Variants in ATXN7 observed in about 807,000 individuals in gnomAD.
ATXN7 encodes ataxin-7.
ATXN7 carries 12 observed loss-of-function variants against 70.5 expected under a neutral mutation model. That is an observed-to-expected ratio of 0.17 (90% CI 0.11 to 0.28). ATXN7 has a LOEUF of 0.28. Ranked by LOEUF, ATXN7 falls within the 10% of genes least tolerant of loss-of-function variation. ATXN7 has a pLI of 1.00. For missense variants in ATXN7, 1,256 were observed against 1,131.7 expected (o/e 1.11, Z -1.58); for synonymous variants, 498 against 448.7 (o/e 1.11, Z -1.39).
At chr3:63,918,302 A>C (rs1415890942) in intron 4 of ATXN7, among the ~76,000 whole-genome samples, 1 of 152,242 alleles carries the variant, frequency 6.6e-6, no homozygotes, top group East Asian at 1.9e-4. Context: ...GTTCATGGTT[A>C]ATTAATGGAA....
intron 8 of ATXN7, among the ~76,000 whole-genome samples, chr3:63,985,388 T>C (rs1003688888): frequency 6.6e-6 from 1 of 152,202 alleles, no homozygotes; most frequent in Non-Finnish European, 1.5e-5. Context: ...CAGCTTGTCA[T>C]GAGATCAGCA....
At position 63,988,320 on chromosome 3, in the gene ATXN7, C is replaced by T; in HGVS notation, c.1357C>T (p.Pro453Ser). Reference protein sequence around the residue: ...SKPKPHTPSLPRPPGCPAQQG... With the variant: ...SKPKPHTPSLSRPPGCPAQQG... The stretch of plus-strand genomic sequence containing the variant: ...ACCTAAACCTCACACCCCCAGTCTT[C>T]CAAGGTAAGCCAGGCCCTCCAACTC... The change falls in exon 9 of 13, where the codon CCA (proline) becomes TCA (serine). Residue 453 changes from proline to serine, a missense_variant. By Grantham distance (74) the Pro-to-Ser change is moderately conservative. Transcript: ENST00000674280. 1 of 1,614,062 alleles carries T rather than the reference C, an allele frequency of 6.2e-7. No individual in the cohort carries two copies. The highest frequency in any genetic ancestry group is 8.5e-7 in the Non-Finnish European group (1 of 1,180,004).
At chr3:63,992,178 T>C (rs1261980991) in intron 11 of ATXN7, among the ~76,000 whole-genome samples, 4 of 152,214 alleles carry the variant, frequency 2.6e-5, no homozygotes. Flanking sequence ...TCGGAGGCCT[T>C]GGATTGTCTG....
chr3:63,872,677 C>T (rs1414407200), intron 1 of ATXN7, among the ~76,000 whole-genome samples: 2 of 152,198 alleles, frequency 1.3e-5, no homozygotes, highest in Non-Finnish European at 2.9e-5. Context: ...TCATATTGCA[C>T]AGGATAGCCT....
At chr3:63,914,024 G>T (rs1442566611) in intron 4 of ATXN7, among the ~76,000 whole-genome samples, 2 of 152,214 alleles carry the variant, frequency 1.3e-5, no homozygotes, top group East Asian at 3.8e-4. Flanking sequence ...CTGAAGTCCA[G>T]TGAACTTCGG....
Position 63,995,608 on chromosome 3 carries a change from G to A in ATXN7, c.1786G>A (p.Ala596Thr). Residue 596 changes from alanine to threonine, a missense_variant, in exon 12 of 13, where the codon GCA becomes ACA. Physicochemically the swap from Ala to Thr is moderately conservative, Grantham distance 58. Transcript: ENST00000674280. ...TSQCGVSYLA[A>T]ATVSTSPVLL... ...ACAATGTGGAGTCAGCTATCTGGCA[G>A]CAGCCACCGTCTCTACATCCCCAGT... 1 of 1,614,196 alleles carries A rather than the reference G, an allele frequency of 6.2e-7. No individual in the cohort carries two copies. The highest frequency in any genetic ancestry group is 8.5e-7 in the Non-Finnish European group (1 of 1,180,038).
chr3:63,912,869 C>G lies in ATXN7; in HGVS notation c.271C>G (p.Leu91Val). Residue 91 changes from leucine to valine, a missense_variant, in exon 3 of 13, where the codon CTG becomes GTG. Coordinates refer to ENST00000674280, the MANE Select transcript of ATXN7 (RefSeq NM_001377405.1). Reference protein sequence around the residue: ...RRPLPSPEVMLGQSWNLWVEA... With the variant: ...RRPLPSPEVMVGQSWNLWVEA... ...GCCTCTGCCCAGTCCTGAAGTGATGCTGGGACAGTCGTGGAATCTGTGGGT... is the reference window on the plus strand; with the variant it reads ...GCCTCTGCCCAGTCCTGAAGTGATGGTGGGACAGTCGTGGAATCTGTGGGT... 1.9e-6 allele frequency: 3 copies of G among 1,613,426 alleles called. No individual in the cohort carries two copies. The South Asian group carries it at 3.3e-5, about 18-fold the overall frequency.
At chr3:63,880,818 T>A (rs1702885179) in intron 1 of ATXN7, among the ~76,000 whole-genome samples, 1 of 152,230 alleles carries the variant, frequency 6.6e-6, no homozygotes, top group Non-Finnish European at 1.5e-5. Flanking sequence ...TTCAATTTAT[T>A]TGTGTAAAGG....
intron 4 of ATXN7, among the ~76,000 whole-genome samples, chr3:63,914,575 C>T (rs1306107174): frequency 6.6e-6 from 1 of 152,216 alleles, no homozygotes; most frequent in Non-Finnish European, 1.5e-5. Context: ...TGGCAACTCT[C>T]ACAGTAAGCA....
intron 4 of ATXN7, among the ~76,000 whole-genome samples, chr3:63,926,724 C>CA (rs1360331159): frequency 6.6e-6 from 1 of 152,132 alleles, no homozygotes; most frequent in Non-Finnish European, 1.5e-5. Context: ...TGCTGCCCCA[C>CA]ACCTCTTCCC....
At chr3:63,894,021 G>C (rs1703368205) in intron 1 of ATXN7, among the ~76,000 whole-genome samples, 1 of 152,142 alleles carries the variant, frequency 6.6e-6, no homozygotes, top group Non-Finnish European at 1.5e-5. Flanking sequence ...TTTGTAACCT[G>C]CTTAAGAAAT....
At chr3:63,954,356 T>A (rs1476215180) in intron 5 of ATXN7, among the ~76,000 whole-genome samples, 1 of 152,172 alleles carries the variant, frequency 6.6e-6, no homozygotes, top group African/African-American at 2.4e-5. Context: ...AGCAGGAAAT[T>A]CCAGGCTCTC....
intron 11 of ATXN7, 138 bp downstream of exon 11, chr3:63,990,997 GTCAT>G (rs2075662964): frequency 6.7e-5 from 86 of 1,284,486 alleles, no homozygotes; most frequent in East Asian, 9.5e-5. Flanking sequence ...AAGGTGCCTT[GTCAT>G]TCATTCATTC....
chr3:63,979,323 G>C (rs576139899), intron 5 of ATXN7, among the ~76,000 whole-genome samples: 1 of 152,222 alleles, frequency 6.6e-6, no homozygotes, highest in Non-Finnish European at 1.5e-5. Flanking sequence ...TTAAAAAAGG[G>C]GGGGTGGGAA....
intron 4 of ATXN7, among the ~76,000 whole-genome samples, chr3:63,945,651 G>C (rs2074847367): frequency 6.6e-6 from 1 of 152,200 alleles, no homozygotes; most frequent in Non-Finnish European, 1.5e-5. Context: ...GCCAGGTTAG[G>C]CACCATTAGG....
At chr3:63,913,339 G>A (rs1467278502) in intron 4 of ATXN7, 114 bp downstream of exon 4, 4 of 1,129,520 alleles carry the variant, frequency 3.5e-6, no homozygotes, top group East Asian at 5.0e-5. Context: ...CCCCGTGCCT[G>A]CGAAGATGCT....
chr3:64,001,521 A>G lies in ATXN7; in HGVS notation c.*2054A>G, dbSNP rs1010465265. 1.3e-5 allele frequency: 2 copies of G among 152,230 alleles called. No individual in the cohort carries two copies. Among genetic ancestry groups the G allele is most frequent in the Admixed American group, 6.5e-5 (1 of 15,280 alleles). The allele number at this position is 152,230 out of a possible 1,614,324, so 9.4% of individuals were successfully genotyped here. ...GTTATAAATAAAGTTGCCTTTAGCAATGGAATTTACAGATCGATCATGTTG... is the reference window on the plus strand; with the variant it reads ...GTTATAAATAAAGTTGCCTTTAGCAGTGGAATTTACAGATCGATCATGTTG... On this transcript the variant is annotated 3_prime_UTR_variant, in exon 13 of 13. Coordinates refer to ENST00000674280, the MANE Select transcript of ATXN7 (RefSeq NM_001377405.1).
At chr3:63,952,336 T>C in intron 4 of ATXN7, 43 bp from the exon 5 acceptor site, 1 of 1,490,154 alleles carries the variant, frequency 6.7e-7, no homozygotes, top group East Asian at 2.3e-5. Flanking sequence ...TTTATATCAG[T>C]CAGAACCAGA....
intron 4 of ATXN7, among the ~76,000 whole-genome samples, chr3:63,925,288 G>A (rs1425675325): frequency 6.6e-6 from 1 of 152,122 alleles, no homozygotes; most frequent in African/African-American, 2.4e-5. Context: ...AGACATTTAT[G>A]CATCCTTTGT....
Sources: gnomAD v4.1 joint callset for allele counts (sites outside exome capture counted in the v4.1 genomes callset) on GRCh38, gnomAD v4.1.1 for gene constraint, MANE v1.5 for transcripts, NCBI Gene and HGNC (gene_info 2026-07-23, HGNC 2026-07-21) for gene names.